Variants in RPTOR observed in about 807,000 individuals in gnomAD.
The protein encoded by RPTOR is regulatory-associated protein of mTOR.
Under a neutral mutation model 169.9 loss-of-function variants are expected in RPTOR, and 21 were observed. The ratio of observed to expected loss-of-function variants is 0.12; its 90% CI spans 0.09 to 0.18. The LOEUF (loss-of-function observed/expected upper bound fraction) is 0.18, where lower values mean the gene tolerates loss of function less well. Ranked by LOEUF, RPTOR falls within the 10% of genes least tolerant of loss-of-function variation. The probability of loss-of-function intolerance (pLI) is 1.00; values close to 1 mark genes in which losing one functional copy is unlikely to be tolerated. For missense variants in RPTOR, 1,133 were observed against 1,855.9 expected (o/e 0.61, Z 7.16); for synonymous variants, 732 against 753.2 (o/e 0.97, Z 0.46).
At chr17:80,790,278 A>G (rs1279668944) in intron 6 of RPTOR, among the ~76,000 whole-genome samples, 2 of 152,214 alleles carry the variant, frequency 1.3e-5, no homozygotes, top group East Asian at 1.9e-4. Context: ...GAACGATAAA[A>G]CACTGACTAC....
intron 10 of RPTOR, among the ~76,000 whole-genome samples, chr17:80,842,367 A>C (rs1239302490): frequency 6.6e-6 from 1 of 151,940 alleles, no homozygotes; most frequent in Non-Finnish European, 1.5e-5. Flanking sequence ...GCTAGCACCA[A>C]TTCTGTGCCT....
At position 80,726,590 on chromosome 17, in the gene RPTOR, C is replaced by A. The variant is rs1268648417; in HGVS notation, c.508-3970C>A. ...ATATCTTTCATTTCATGCCACTTTG[C>A]AGCCCTGGGACCCTCGGGGTTGTAC... is the stretch of plus-strand genomic sequence containing the variant. On this transcript the variant is annotated intron_variant, in intron 4 of 33. Transcript: ENST00000306801. The surrounding 1 kb of genome is among the most constrained non-coding windows in gnomAD (Gnocchi z 4.5). 3.3e-5 allele frequency among the ~76,000 whole-genome samples: 5 copies of A among 152,152 alleles called. No homozygotes were observed. Among genetic ancestry groups the A allele is most frequent in the Non-Finnish European group, 7.3e-5 (5 of 68,044 alleles).
At chr17:80,756,882 G>A (rs56901276) in intron 6 of RPTOR, among the ~76,000 whole-genome samples, 4,052 of 152,160 alleles carry the variant, frequency 0.027, 191 homozygotes, top group African/African-American at 0.093. Context: ...TCAGTCTGTC[G>A]TAGTCTATTA....
chr17:80,874,051 A>G (rs891161732), intron 13 of RPTOR, among the ~76,000 whole-genome samples: 2 of 152,186 alleles, frequency 1.3e-5, no homozygotes, highest in Admixed American at 1.3e-4. Context: ...ATAGCATTTT[A>G]ATGTTTGAGC....
At chr17:80,870,534 C>T (rs2068040751) in intron 13 of RPTOR, among the ~76,000 whole-genome samples, 1 of 152,182 alleles carries the variant, frequency 6.6e-6, no homozygotes, top group Non-Finnish European at 1.5e-5. Context: ...ACACGCAAAA[C>T]TCAATTCAAA....
intron 24 of RPTOR, among the ~76,000 whole-genome samples, chr17:80,930,384 AGCTCAGCTCATTCTCAGC>A (rs1567993738): frequency 3.5e-4 from 3 of 8,630 alleles, no homozygotes; most frequent in East Asian, 3.6e-3. Context: ...TCCCCAGCTC[AGCTCAGCTCATTCTCAGC>A]TCATCCCCAG....
intron 11 of RPTOR, among the ~76,000 whole-genome samples, chr17:80,850,027 T>C (rs2067776670): frequency 1.3e-5 from 2 of 152,194 alleles, no homozygotes; most frequent in African/African-American, 4.8e-5. Context: ...AGGAAAAAGG[T>C]GACAGTGATA....
intron 1 of RPTOR, chr17:80,602,852 G>A (rs12451045): frequency 0.21 from 113,671 of 540,790 alleles, 12,712 homozygotes; most frequent in East Asian, 0.29. Flanking sequence ...TGTTGATGGT[G>A]TCTTCTCGGG....
chr17:80,710,684 T>C (rs1170581182), intron 4 of RPTOR, among the ~76,000 whole-genome samples: 1 of 152,046 alleles, frequency 6.6e-6, no homozygotes, highest in East Asian at 1.9e-4. Context: ...CATCTCCTGT[T>C]ATACACACCT....
Position 80,840,859 on chromosome 17 carries a change from A to G in RPTOR, c.1212+2862A>G, listed in dbSNP as rs867446546. 7.4e-3 allele frequency among the ~76,000 whole-genome samples: 621 copies of G among 83,850 alleles called. 48 individuals carry two copies. Among genetic ancestry groups the G allele is most frequent in the African/African-American group, 0.026 (510 of 19,312 alleles). 55.0% of individuals were successfully genotyped at this position (83,850 alleles called of 152,430 possible). On this transcript the variant is annotated intron_variant, in intron 10 of 33. Coordinates refer to ENST00000306801, the MANE Select transcript of RPTOR (RefSeq NM_020761.3). ...CACCGCACGGCAGCTCACACTCACCACACGGCAGCTCACTCTCACCACACG... is the reference window on the plus strand; with the variant it reads ...CACCGCACGGCAGCTCACACTCACCGCACGGCAGCTCACTCTCACCACACG...
At chr17:80,702,932 C>T (rs1446519271) in intron 3 of RPTOR, among the ~76,000 whole-genome samples, 10 of 152,084 alleles carry the variant, frequency 6.6e-5, no homozygotes, top group Admixed American at 2.0e-4. Context: ...GAAAAACTGC[C>T]GCAGCAGTAA....
rs760096281 is a variant in RPTOR at position 80,855,587 on chromosome 17, G to C, written c.1398+40G>C. 2.1e-6 allele frequency: 3 copies of C among 1,425,912 alleles called. No individual in the cohort carries two copies. The East Asian group carries it at 6.8e-5, about 32-fold the overall frequency. The allele number at this position is 1,425,912 out of a possible 1,614,324, so 88.3% of individuals were successfully genotyped here. ...CATTAACCTGGGGGCTGAGGGAGGTGGGACAGAGATTAGGCTCCGTGTTTC... is the reference window on the plus strand; with the variant it reads ...CATTAACCTGGGGGCTGAGGGAGGTCGGACAGAGATTAGGCTCCGTGTTTC... On this transcript the variant is annotated intron_variant, in intron 12 of 33. Coordinates refer to ENST00000306801, the MANE Select transcript of RPTOR (RefSeq NM_020761.3).
At position 80,758,381 on chromosome 17, in the gene RPTOR, T is replaced by C. The variant is rs1020638825; in HGVS notation, c.830+4196T>C. 5.3e-5 allele frequency among the ~76,000 whole-genome samples: 8 copies of C among 152,100 alleles called. No individual in the cohort carries two copies. In the East Asian group the frequency reaches 1.5e-3, roughly 29 times the overall value. ...GAGAGTGGACTGAAGTCCAAGTCCA[T>C]TGTGGGGTGCTTTGAATGCTGCCCA... On this transcript the variant is annotated intron_variant, in intron 6 of 33. Transcript: ENST00000306801.
At chr17:80,586,907 C>A (rs775228709) in intron 1 of RPTOR, among the ~76,000 whole-genome samples, 1 of 152,202 alleles carries the variant, frequency 6.6e-6, no homozygotes, top group Non-Finnish European at 1.5e-5. Flanking sequence ...TTCACGGGCT[C>A]GCTGGCAAGC....
intron 4 of RPTOR, among the ~76,000 whole-genome samples, chr17:80,724,086 T>C (rs1009068042): frequency 2.0e-5 from 3 of 150,982 alleles, no homozygotes; most frequent in African/African-American, 7.4e-5. Flanking sequence ...GGATGAGAAA[T>C]GGGAAGGTAT....
In RPTOR at chr17:80,707,450, A is replaced by T. The variant is rs533619766; in HGVS notation, c.349-391A>T. The stretch of plus-strand genomic sequence containing the variant: ...CATCTCACTCTGTCACTCAGGCTGG[A>T]GTACAGTGTTGTGATCATGGTTCAC... On this transcript the variant is annotated intron_variant, in intron 3 of 33. Transcript: ENST00000306801. This position sits in a 1 kb window ranked among gnomAD's most constrained non-coding sequence, Gnocchi z 5.0. 6.6e-6 allele frequency among the ~76,000 whole-genome samples: 1 copy of T among 152,258 alleles called. No homozygotes were observed. Among genetic ancestry groups the T allele is most frequent in the African/African-American group, 2.4e-5 (1 of 41,540 alleles).
At chr17:80,713,110 C>T (rs545533172) in intron 4 of RPTOR, among the ~76,000 whole-genome samples, 142 of 152,110 alleles carry the variant, frequency 9.3e-4, no homozygotes, top group African/African-American at 3.4e-3. Flanking sequence ...CTCTTGTTGC[C>T]CAGGCTAGAG....
chr17:80,950,375 C>A (rs2069159482), intron 28 of RPTOR, among the ~76,000 whole-genome samples: 1 of 152,224 alleles, frequency 6.6e-6, no homozygotes, highest in South Asian at 2.1e-4. Flanking sequence ...TGCCCTGGTT[C>A]TGCCCTAGGT....
intron 2 of RPTOR, among the ~76,000 whole-genome samples, chr17:80,637,881 G>C (rs912122928): frequency 6.6e-6 from 1 of 152,258 alleles, no homozygotes; most frequent in Non-Finnish European, 1.5e-5. Context: ...ATCGCCCTTG[G>C]CGGCGGCTCG....
Sources: allele counts gnomAD v4.1 joint callset (sites outside exome capture counted in the v4.1 genomes callset), GRCh38; gene constraint gnomAD v4.1.1; non-coding constraint Gnocchi (gnomAD v3.1); transcripts MANE v1.5; gene names NCBI Gene and HGNC (gene_info 2026-07-23, HGNC 2026-07-21).